Variants in RETREG1 observed in about 807,000 individuals in gnomAD.
The protein encoded by RETREG1 is reticulophagy regulator 1, also known as family with sequence similarity 134 member B.
In RETREG1, 44 loss-of-function variants were observed where a neutral mutation model predicts 54.8. That is an observed-to-expected ratio of 0.80 (90% CI 0.63 to 1.03). The LOEUF (loss-of-function observed/expected upper bound fraction) is 1.03. RETREG1 is among the 50% of genes least tolerant of loss of function. The pLI is 0.00. For missense variants in RETREG1, 554 were observed against 605.1 expected (o/e 0.92, Z 0.89); for synonymous variants, 217 against 238.5 (o/e 0.91, Z 0.83).
chr5:16,571,706 G>A (rs1053646119), intron 2 of RETREG1, among the ~76,000 whole-genome samples: 1 of 152,074 alleles, frequency 6.6e-6, no homozygotes, highest in African/African-American at 2.4e-5. Context: ...CATGTGAGAT[G>A]TAATAAATAT....
chr5:16,516,790 C>A (rs1004819808), intron 3 of RETREG1, among the ~76,000 whole-genome samples: 1 of 151,978 alleles, frequency 6.6e-6, no homozygotes, highest in Non-Finnish European at 1.5e-5. Flanking sequence ...ATCTAACAAG[C>A]CCAAATTAAT....
intron 1 of RETREG1, among the ~76,000 whole-genome samples, chr5:16,581,856 A>G (rs1292540985): frequency 6.6e-6 from 1 of 152,192 alleles, no homozygotes; most frequent in Non-Finnish European, 1.5e-5. Flanking sequence ...TATTTTATTT[A>G]AAGTTCCAGG....
chr5:16,573,420 A>G (rs1343415639), intron 1 of RETREG1, among the ~76,000 whole-genome samples: 1 of 152,190 alleles, frequency 6.6e-6, no homozygotes, highest in East Asian at 1.9e-4. Context: ...CTGTTTACAC[A>G]AGTTAATTGG....
At chr5:16,508,892 C>G in intron 3 of RETREG1, 4 of 1,300,660 alleles carry the variant, frequency 3.1e-6, no homozygotes, top group Non-Finnish European at 3.9e-6. Flanking sequence ...CCTCTTACTC[C>G]CAGTACTGTG....
chr5:16,540,168 A>G (rs1353970824), intron 3 of RETREG1, among the ~76,000 whole-genome samples: 1 of 152,212 alleles, frequency 6.6e-6, no homozygotes, highest in African/African-American at 2.4e-5. Flanking sequence ...TTCTTAATCC[A>G]AGCCTGGATC....
intron 3 of RETREG1, among the ~76,000 whole-genome samples, chr5:16,506,016 G>C (rs572206409): frequency 2.4e-4 from 36 of 152,260 alleles, no homozygotes; most frequent in Non-Finnish European, 3.5e-4. Flanking sequence ...ACCACAAGGA[G>C]GGGGGTCTCT....
intron 3 of RETREG1, among the ~76,000 whole-genome samples, chr5:16,565,533 T>C (rs1318591761): frequency 6.6e-6 from 1 of 152,060 alleles, no homozygotes; most frequent in Non-Finnish European, 1.5e-5. Flanking sequence ...TTCTCACAAA[T>C]TCATGTTGCC....
At chr5:16,519,976 C>T (rs1232240747) in intron 3 of RETREG1, among the ~76,000 whole-genome samples, 4 of 152,174 alleles carry the variant, frequency 2.6e-5, no homozygotes, top group East Asian at 1.9e-4. Context: ...CTGTCCAGTC[C>T]GTGCCACCCC....
intron 3 of RETREG1, among the ~76,000 whole-genome samples, chr5:16,494,867 C>T (rs1043993615): frequency 1.3e-5 from 2 of 152,154 alleles, no homozygotes; most frequent in Admixed American, 6.5e-5. Context: ...TTGGAGAGCT[C>T]AAAAGAAGAC....
At chr5:16,613,258 G>T (rs1298298879) in intron 1 of RETREG1, among the ~76,000 whole-genome samples, 1 of 152,092 alleles carries the variant, frequency 6.6e-6, no homozygotes, top group Non-Finnish European at 1.5e-5. Context: ...CTGTGTAGTG[G>T]TTGAAATATT....
chr5:16,606,302 T>A (rs1445274375), intron 1 of RETREG1, among the ~76,000 whole-genome samples: 1 of 152,052 alleles, frequency 6.6e-6, no homozygotes, highest in Non-Finnish European at 1.5e-5. Context: ...GCTGCCACTC[T>A]CCTTCTCAAG....
chr5:16,553,934 CTTG>C (rs543454003), intron 3 of RETREG1, among the ~76,000 whole-genome samples: 148 of 152,288 alleles, frequency 9.7e-4, no homozygotes, highest in African/African-American at 3.3e-3. Flanking sequence ...CAGATTCCCT[CTTG>C]TTGTCCAAAG....
At position 16,507,810 on chromosome 5, in the gene RETREG1, T is replaced by C. The variant is rs74807391; in HGVS notation, c.459-24338A>G. 6.3e-3 allele frequency among the ~76,000 whole-genome samples: 960 copies of C among 152,300 alleles called. 3 individuals are homozygous for C. The highest frequency in any genetic ancestry group is 0.022 in the African/African-American group (900 of 41,566). ...GTTTCCACTTTCTTTGGCAAGAAAA[T>C]TGTCCAACTCCTTTTCTTGTTTAAT... On this transcript the variant is annotated intron_variant, in intron 3 of 8. Transcript: ENST00000306320.
At chr5:16,537,328 G>A (rs1036244304) in intron 3 of RETREG1, among the ~76,000 whole-genome samples, 2 of 152,174 alleles carry the variant, frequency 1.3e-5, no homozygotes, top group African/African-American at 4.8e-5. Context: ...GCTCAGAGCC[G>A]ACCCTGAGAA....
At chr5:16,527,846 G>A (rs960992954) in intron 3 of RETREG1, among the ~76,000 whole-genome samples, 1 of 105,422 alleles carries the variant, frequency 9.5e-6, no homozygotes, top group Non-Finnish European at 1.8e-5. Context: ...GTCTCGCTCC[G>A]TCGCCCAGAT....
At chr5:16,502,891 G>A (rs1358755218) in intron 3 of RETREG1, among the ~76,000 whole-genome samples, 1 of 152,228 alleles carries the variant, frequency 6.6e-6, no homozygotes, top group Admixed American at 6.5e-5. Context: ...AATGGATTTA[G>A]ACACAGATTT....
chr5:16,609,946 C>A (rs1204004882), intron 1 of RETREG1, among the ~76,000 whole-genome samples: 2 of 152,158 alleles, frequency 1.3e-5, no homozygotes, highest in African/African-American at 4.8e-5. Context: ...ATTGAATCAC[C>A]TAGAGAGCTG....
At chr5:16,502,542 G>A (rs1380753563) in intron 3 of RETREG1, among the ~76,000 whole-genome samples, 6 of 152,260 alleles carry the variant, frequency 3.9e-5, no homozygotes, top group South Asian at 2.1e-4. Context: ...ATGCTGCTGC[G>A]AGAAAAAAGC....
In RETREG1 at chr5:16,510,229, C is replaced by G. The variant is rs1264785274; in HGVS notation, c.459-26757G>C. Among the ~76,000 whole-genome samples the G allele has an allele frequency of 2.0e-5, 3 of 152,010 alleles. No homozygotes were observed. The East Asian group carries it at 5.8e-4, about 29-fold the overall frequency. ...TGTATGCATCTCACAATTAACAATT[C>G]CTTAAGGCATTTCATATTTTACGCA... On this transcript the variant is annotated intron_variant, in intron 3 of 8. Transcript: ENST00000306320.
Sources: allele counts gnomAD v4.1 joint callset (sites outside exome capture counted in the v4.1 genomes callset), GRCh38; gene constraint gnomAD v4.1.1; transcripts MANE v1.5; gene names NCBI Gene and HGNC (gene_info 2026-07-23, HGNC 2026-07-21).